Variants in PCDHGA4 observed in about 807,000 individuals in gnomAD.
The protein encoded by PCDHGA4 is protocadherin gamma-A4.
PCDHGA4 carries 38 observed loss-of-function variants against 54.6 expected under a neutral mutation model. The observed-to-expected ratio is 0.70, with a 90% CI of 0.54 to 0.91. The LOEUF (loss-of-function observed/expected upper bound fraction) is 0.91. PCDHGA4 is among the 40% of genes least tolerant of loss of function. The pLI, the probability that PCDHGA4 is intolerant of heterozygous loss-of-function variation, is 0.00. For missense variants in PCDHGA4, 1,298 were observed against 1,220.9 expected (o/e 1.06, Z -0.94); for synonymous variants, 511 against 512.9 (o/e 1.00, Z 0.05).
At position 141,389,227 on chromosome 5, in the gene PCDHGA4, C is replaced by T. The variant is rs1412412051; in HGVS notation, c.2514+31606C>T. On this transcript the variant is annotated intron_variant, in intron 1 of 3. Transcript: ENST00000571252. ...ATTGGTGATGTAAATGACAACGCTC[C>T]GGTTTTCTCACAGTCTTCCTATATA... 35 of 1,614,024 alleles carry T rather than the reference C, an allele frequency of 2.2e-5. No homozygotes were observed. Among genetic ancestry groups the T allele is most frequent in the Non-Finnish European group, 2.8e-5 (33 of 1,179,882 alleles).
intron 1 of PCDHGA4, among the ~76,000 whole-genome samples, chr5:141,455,423 CA>C (rs2098822271): frequency 6.6e-6 from 1 of 152,040 alleles, no homozygotes; most frequent in Non-Finnish European, 1.5e-5. Flanking sequence ...AGCGGGGCTC[CA>C]AAAGAGGAGG....
Position 141,399,778 on chromosome 5 carries a change from C to G in PCDHGA4, c.2514+42157C>G, listed in dbSNP as rs187080333. ...GAGCCTGCGCGTGTTGGTGGGCGACCGAAACGACAACGCACCGCGGGTGCT... is the reference window on the plus strand; with the variant it reads ...GAGCCTGCGCGTGTTGGTGGGCGACGGAAACGACAACGCACCGCGGGTGCT... On this transcript the variant is annotated intron_variant, in intron 1 of 3. Coordinates refer to ENST00000571252, the MANE Select transcript of PCDHGA4 (RefSeq NM_018917.4). The G allele has an allele frequency of 3.4e-4, 542 of 1,613,250 alleles. 2 individuals are homozygous for G. The African/African-American group carries it at 5.6e-3, about 17-fold the overall frequency.
intron 1 of PCDHGA4, among the ~76,000 whole-genome samples, chr5:141,474,120 T>C (rs2099343213): frequency 6.6e-6 from 1 of 151,910 alleles, no homozygotes; most frequent in Non-Finnish European, 1.5e-5. Flanking sequence ...ACAACGAAAA[T>C]CTCAGAAAAC....
Position 141,421,488 on chromosome 5 carries a change from G to A in PCDHGA4, c.2514+63867G>A. On this transcript the variant is annotated intron_variant, in intron 1 of 3. Transcript: ENST00000571252. ...ATCCGCGAAGCGGCAGCTTGATCAC[G>A]GCAGGCAGGATAGACCGGGAGGAGC... The A allele has an allele frequency of 1.9e-6, 3 of 1,614,100 alleles. No homozygotes were observed. In the South Asian group the frequency reaches 3.3e-5, roughly 18 times the overall value.
At chr5:141,443,088 T>G (rs188899890) in intron 1 of PCDHGA4, among the ~76,000 whole-genome samples, 1 of 151,974 alleles carries the variant, frequency 6.6e-6, no homozygotes, top group African/African-American at 2.4e-5. Context: ...TGTTCCAGTC[T>G]CCTTCTCAAG....
In PCDHGA4 at chr5:141,356,869, GA is replaced by G; in HGVS notation, c.1763del (p.Asp588AlafsTer32). ...SLSLFVLDQN[D>X]NVPEILYPTF... ...GAGCCTCTTTGTGCTGGACCAGAAC[GA>G]CAATGTCCCTGAGATCCTGTACCCC... On this transcript the variant is annotated frameshift_variant, in exon 1 of 4. Coordinates refer to ENST00000571252, the MANE Select transcript of PCDHGA4 (RefSeq NM_018917.4). LOFTEE classifies it high-confidence loss of function. 1 of 1,614,182 alleles carries G rather than the reference GA, an allele frequency of 6.2e-7. No homozygotes were observed. The highest frequency in any genetic ancestry group is 8.5e-7 in the Non-Finnish European group (1 of 1,180,026).
At position 141,487,499 on chromosome 5, in the gene PCDHGA4, G is replaced by C; in HGVS notation, c.2515-7308G>C. 6.2e-7 allele frequency: 1 copy of C among 1,614,152 alleles called. No individual in the cohort carries two copies. The highest frequency in any genetic ancestry group is 1.3e-5 in the African/African-American group (1 of 75,042). ...CCACTCTCATGGCTGTACACCCTTG[G>C]CTTCTGCACCCACTCGGAGTGATAG... On this transcript the variant is annotated intron_variant, in intron 1 of 3. Coordinates refer to ENST00000571252, the MANE Select transcript of PCDHGA4 (RefSeq NM_018917.4). The surrounding 1 kb of genome is among the most constrained non-coding windows in gnomAD (Gnocchi z 5.0).
In PCDHGA4 at chr5:141,355,167, A is replaced by C. The variant is rs755561054; in HGVS notation, c.60A>C (p.Lys20Asn). 6.4e-7 allele frequency: 1 copy of C among 1,565,298 alleles called. No homozygotes were observed. The highest frequency in any genetic ancestry group is 2.4e-4 in the Middle Eastern group (1 of 4,214). ...CTCCTCAGGCCTCGACAGAGGGAAAACCGAAGCACAGGCGACTCCGCGGCG... is the reference window on the plus strand; with the variant it reads ...CTCCTCAGGCCTCGACAGAGGGAAACCCGAAGCACAGGCGACTCCGCGGCG... Reference protein sequence around the residue: ...PGAPQASTEGKPKHRRLRGGV... With the variant: ...PGAPQASTEGNPKHRRLRGGV... Residue 20 changes from lysine (K) to asparagine (N), a missense_variant, in exon 1 of 4, where the codon AAA becomes AAC. By Grantham distance (94) the Lys-to-Asn change is moderately conservative (BLOSUM62 0). Transcript: ENST00000571252.
chr5:141,421,187 A>G (rs745843422), intron 1 of PCDHGA4: 5 of 1,473,698 alleles, frequency 3.4e-6, no homozygotes, highest in Non-Finnish European at 4.5e-6. Context: ...TTCACAACCA[A>G]CCAGCTCGAG....
intron 1 of PCDHGA4, chr5:141,364,540 T>C (rs1380715716): frequency 1.9e-6 from 3 of 1,614,050 alleles, no homozygotes; most frequent in Admixed American, 1.7e-5. Flanking sequence ...TCTCCAGAGG[T>C]AGGACGCAGC....
intron 1 of PCDHGA4, chr5:141,414,204 T>C (rs748616910): frequency 1.2e-6 from 2 of 1,612,266 alleles, no homozygotes; most frequent in East Asian, 2.2e-5. Flanking sequence ...CAGTAGAAGA[T>C]GTAAATGACA....
At chr5:141,500,190 TTA>T (rs551092091) in intron 2 of PCDHGA4, among the ~76,000 whole-genome samples, 3 of 110,960 alleles carry the variant, frequency 2.7e-5, no homozygotes, top group Non-Finnish European at 3.9e-5. Context: ...TTATTTTTAT[TTA>T]TTTATTTATT....
At chr5:141,447,656 C>T (rs1352103605) in intron 1 of PCDHGA4, among the ~76,000 whole-genome samples, 1 of 152,056 alleles carries the variant, frequency 6.6e-6, no homozygotes, top group Non-Finnish European at 1.5e-5. Flanking sequence ...ATTTTCCCCC[C>T]CAGGAAGTTA....
chr5:141,398,087 G>T (rs1377881034), intron 1 of PCDHGA4: 1 of 1,599,430 alleles, frequency 6.3e-7, no homozygotes, highest in African/African-American at 1.3e-5. Flanking sequence ...TTGTAACCTG[G>T]CGTCTCCAGG....
In PCDHGA4 at chr5:141,486,574, C is replaced by T. The variant is rs1435813800; in HGVS notation, c.2515-8233C>T. On this transcript the variant is annotated intron_variant, in intron 1 of 3. Transcript: ENST00000571252. This position sits in a 1 kb window ranked among gnomAD's most constrained non-coding sequence, Gnocchi z 5.0. ...CACATGAGGTGTTTGTTCCTGAGAACAATCGCCCAGGGGACCTGCTTTGCT... is the reference window on the plus strand; with the variant it reads ...CACATGAGGTGTTTGTTCCTGAGAATAATCGCCCAGGGGACCTGCTTTGCT... The T allele has an allele frequency of 1.9e-6, 3 of 1,613,868 alleles. No homozygotes were observed. Among genetic ancestry groups the T allele is most frequent in the Non-Finnish European group, 2.5e-6 (3 of 1,180,002 alleles).
At chr5:141,392,649 C>T in intron 1 of PCDHGA4, 1 of 703,200 alleles carries the variant, frequency 1.4e-6, no homozygotes, top group South Asian at 2.2e-5. Flanking sequence ...CACGAAGACC[C>T]GCAGATGCCA....
intron 1 of PCDHGA4, chr5:141,421,032 C>A: frequency 1.9e-6 from 1 of 533,288 alleles, no homozygotes; most frequent in Non-Finnish European, 3.3e-6. Flanking sequence ...GCCATTGAGT[C>A]CCTCCCTCCC....
rs1561589443 is a variant in PCDHGA4, at chr5:141,381,835, T to TCTTCTTC, written c.2514+24214_2514+24215insCTTCTTC. Reference sequence around the variant, plus strand: ...TTCTTTCTTTCTTCTTCTTTTTTTTTTTTTTTTTTTTTTGGCAGAGTTTTG... The same window carrying TCTTCTTC: ...TTCTTTCTTTCTTCTTCTTTTTTTTTCTTCTTCTTTTTTTTTTTTTGGCAGAGTTTTG... On this transcript the variant is annotated intron_variant, in intron 1 of 3. Coordinates refer to ENST00000571252, the MANE Select transcript of PCDHGA4 (RefSeq NM_018917.4). 3.4e-3 allele frequency among the ~76,000 whole-genome samples: 481 copies of TCTTCTTC among 141,024 alleles called. 2 individuals carry two copies. Among genetic ancestry groups the TCTTCTTC allele is most frequent in the African/African-American group, 0.012 (438 of 36,478 alleles). The allele number at this position is 141,024 out of a possible 152,430, so 92.5% of individuals were successfully genotyped here. A position where few individuals can be genotyped will look rare whatever the true frequency, so the allele number is the denominator to read the frequency against.
In PCDHGA4 at chr5:141,490,598, G is replaced by A. The variant is rs141484080; in HGVS notation, c.2515-4209G>A. On this transcript the variant is annotated intron_variant, in intron 1 of 3. Transcript: ENST00000571252. This position sits in a 1 kb window ranked among gnomAD's most constrained non-coding sequence, Gnocchi z 5.4. ...TCAGATGTCAATGACAATGCACCCC[G>A]CTTCAACCAGCAGCTTTACACTGCT... 309 of 1,614,062 alleles carry A rather than the reference G, an allele frequency of 1.9e-4. 2 individuals carry two copies. Among genetic ancestry groups the A allele is most frequent in the Admixed American group, 5.0e-4 (30 of 60,018 alleles).
Sources: gnomAD v4.1 joint callset for allele counts (sites outside exome capture counted in the v4.1 genomes callset) on GRCh38, gnomAD v4.1.1 for gene constraint, Gnocchi (gnomAD v3.1) non-coding constraint, MANE v1.5 for transcripts, NCBI Gene and HGNC (gene_info 2026-07-23, HGNC 2026-07-21) for gene names.